The following RABGAP1L variants were observed in gnomAD, a reference collection of about 807,000 sequenced individuals.
The protein encoded by RABGAP1L is RAB GTPase activating protein 1 like, also known as rab GTPase-activating protein 1-like.
Under a neutral mutation model 137.7 loss-of-function variants are expected in RABGAP1L, and 63 were observed. The ratio of observed to expected loss-of-function variants is 0.46; its 90% CI spans 0.37 to 0.56. The LOEUF (loss-of-function observed/expected upper bound fraction) is 0.56. Ranked by LOEUF, RABGAP1L falls within the 20% of genes least tolerant of loss-of-function variation. The pLI, the probability that RABGAP1L is intolerant of heterozygous loss-of-function variation, is 0.00. For missense variants in RABGAP1L, 1,095 were observed against 1,244.0 expected (o/e 0.88, Z 1.80); for synonymous variants, 431 against 433.7 (o/e 0.99, Z 0.08).
At chr1:174,577,254 CACA>C (rs1668443007) in intron 13 of RABGAP1L, among the ~76,000 whole-genome samples, 1 of 110,846 alleles carries the variant, frequency 9.0e-6, no homozygotes, top group African/African-American at 3.4e-5. Flanking sequence ...CACACACACA[CACA>C]CACACACATT....
At chr1:174,974,281 C>T (rs534343385) in intron 21 of RABGAP1L, among the ~76,000 whole-genome samples, 1 of 152,172 alleles carries the variant, frequency 6.6e-6, no homozygotes, top group Admixed American at 6.5e-5. Flanking sequence ...TGAGCCACCG[C>T]ACCCGGCTGT....
intron 19 of RABGAP1L, among the ~76,000 whole-genome samples, chr1:174,890,657 A>G (rs1291639170): frequency 6.6e-6 from 1 of 152,122 alleles, no homozygotes; most frequent in Non-Finnish European, 1.5e-5. Flanking sequence ...AGTTTTTTTT[A>G]GAAGTATCCT....
chr1:174,349,734 T>C, intron 11 of RABGAP1L, among the ~76,000 whole-genome samples: 1 of 128,332 alleles, frequency 7.8e-6, no homozygotes, highest in Non-Finnish European at 1.7e-5. Flanking sequence ...GGCGGGGGGC[T>C]GACCCCCCCA....
At chr1:174,410,026 G>A (rs1379052706) in intron 13 of RABGAP1L, among the ~76,000 whole-genome samples, 5 of 151,820 alleles carry the variant, frequency 3.3e-5, no homozygotes, top group African/African-American at 9.7e-5. Context: ...TATCCTTTTT[G>A]CCCTTTGAAG....
chr1:174,296,138 C>A (rs577718807), intron 10 of RABGAP1L, among the ~76,000 whole-genome samples: 236 of 152,250 alleles, frequency 1.6e-3, no homozygotes, highest in Middle Eastern at 0.01. Context: ...TAGTTTCCAG[C>A]AGGAGAGAAT....
chr1:174,334,201 C>T (rs1681278398), intron 11 of RABGAP1L, among the ~76,000 whole-genome samples: 1 of 152,202 alleles, frequency 6.6e-6, no homozygotes, highest in Admixed American at 6.5e-5. Context: ...ATACCCGATT[C>T]TCCCACAAAA....
chr1:174,686,594 GAGAAGC>G (rs1228909423), intron 15 of RABGAP1L, among the ~76,000 whole-genome samples: 3 of 149,724 alleles, frequency 2.0e-5, no homozygotes, highest in African/African-American at 7.3e-5. Context: ...TTACTTGGAT[GAGAAGC>G]TGAAGTTCAA....
intron 13 of RABGAP1L, among the ~76,000 whole-genome samples, chr1:174,439,854 CAAAG>C: frequency 6.6e-6 from 1 of 152,158 alleles, no homozygotes; most frequent in East Asian, 1.9e-4. Context: ...AATGCAATGG[CAAAG>C]AAAGCAGATG....
At chr1:174,320,172 A>G (rs1382588659) in intron 11 of RABGAP1L, among the ~76,000 whole-genome samples, 5 of 152,178 alleles carry the variant, frequency 3.3e-5, no homozygotes, top group Non-Finnish European at 7.4e-5. Context: ...CATCCACATA[A>G]TCACCACCAG....
chr1:174,771,316 A>T (rs1259118009), intron 18 of RABGAP1L, among the ~76,000 whole-genome samples: 1 of 152,218 alleles, frequency 6.6e-6, no homozygotes, highest in Non-Finnish European at 1.5e-5. Context: ...ATGTCATGCC[A>T]GCTGTGTCAA....
chr1:174,315,433 C>CT (rs1679278288), intron 11 of RABGAP1L, among the ~76,000 whole-genome samples: 1 of 152,026 alleles, frequency 6.6e-6, no homozygotes, highest in Non-Finnish European at 1.5e-5. Flanking sequence ...ATGGGTTTTG[C>CT]TTTTTCATTC....
chr1:174,676,348 G>A (rs1490603695), intron 14 of RABGAP1L, among the ~76,000 whole-genome samples: 1 of 151,950 alleles, frequency 6.6e-6, no homozygotes, highest in Non-Finnish European at 1.5e-5. Context: ...CAGATTTTGA[G>A]AGGCTTCTCC....
At chr1:174,800,835 T>A (rs1296754395) in intron 18 of RABGAP1L, among the ~76,000 whole-genome samples, 1 of 152,210 alleles carries the variant, frequency 6.6e-6, no homozygotes, top group Non-Finnish European at 1.5e-5. Flanking sequence ...CATTCTGTTA[T>A]GTATATCTCC....
At chr1:174,378,083 A>G (rs1265732253) in intron 12 of RABGAP1L, among the ~76,000 whole-genome samples, 15 of 145,336 alleles carry the variant, frequency 1.0e-4, no homozygotes, top group Non-Finnish European at 1.8e-4. Context: ...ATGATTTCCA[A>G]TTTCATCCAT....
chr1:174,650,420 T>A (rs1035505564), intron 14 of RABGAP1L, among the ~76,000 whole-genome samples: 2 of 152,198 alleles, frequency 1.3e-5, no homozygotes, highest in African/African-American at 4.8e-5. Context: ...TACCAGTTCC[T>A]CCTTGTACCT....
chr1:174,680,975 T>C (rs571439514), intron 14 of RABGAP1L, among the ~76,000 whole-genome samples: 1 of 152,206 alleles, frequency 6.6e-6, no homozygotes, highest in South Asian at 2.1e-4. Context: ...TGTCTAAAAG[T>C]ACATGAAAAC....
intron 19 of RABGAP1L, among the ~76,000 whole-genome samples, chr1:174,900,251 AC>A (rs1657916907): frequency 6.6e-6 from 1 of 152,202 alleles, no homozygotes; most frequent in African/African-American, 2.4e-5. Flanking sequence ...TTTACTGAAA[AC>A]AAAAGTACAC....
At chr1:174,453,116 G>A (rs1039805828) in intron 13 of RABGAP1L, among the ~76,000 whole-genome samples, 1 of 152,188 alleles carries the variant, frequency 6.6e-6, no homozygotes, top group African/African-American at 2.4e-5. Flanking sequence ...CCAGCAAGCG[G>A]ATGTTGTGAT....
intron 7 of RABGAP1L, among the ~76,000 whole-genome samples, chr1:174,263,252 T>C (rs1406431482): frequency 6.6e-6 from 1 of 152,220 alleles, no homozygotes. Context: ...TCCAACAAAC[T>C]TCTTTGCTAT....
Sources: allele counts gnomAD v4.1 joint callset (sites outside exome capture counted in the v4.1 genomes callset), GRCh38; gene constraint gnomAD v4.1.1; transcripts MANE v1.5; gene names NCBI Gene and HGNC (gene_info 2026-07-23, HGNC 2026-07-21).